The following LARGE1 variants were observed in gnomAD, a reference collection of about 807,000 sequenced individuals.
LARGE1 encodes the protein LARGE xylosyl- and glucuronyltransferase 1, also known as xylosyl- and glucuronyltransferase LARGE1.
A neutral mutation model predicts 87.6 loss-of-function variants in LARGE1; 43 were observed. The ratio of observed to expected loss-of-function variants is 0.49; its 90% confidence interval spans 0.38 to 0.63. The LOEUF (loss-of-function observed/expected upper bound fraction) is 0.63. Ranked by LOEUF, LARGE1 falls within the 30% of genes least tolerant of loss-of-function variation. The pLI is 0.00. For synonymous variants in LARGE1, 434 were observed against 394.6 expected, an observed-to-expected ratio of 1.10 and a Z score of -1.18; for missense variants, 802 against 1,000.2, an observed-to-expected ratio of 0.80 and a Z score of 2.67.
At chr22:33,800,274 A>C (rs2086119141) in intron 1 of LARGE1, among the ~76,000 whole-genome samples, 1 of 152,212 alleles carries the variant, frequency 6.6e-6, no homozygotes, top group Non-Finnish European at 1.5e-5. Flanking sequence ...TAGTACAGAG[A>C]GGTCCTGTGT....
chr22:33,787,546 G>A (rs113310902), intron 1 of LARGE1, among the ~76,000 whole-genome samples: 1 of 152,146 alleles, frequency 6.6e-6, no homozygotes, highest in South Asian at 2.1e-4. Context: ...CAACTCCAAA[G>A]TCTTCTTCCA....
At position 33,836,965 on chromosome 22, in the gene LARGE1, G is replaced by A. The variant is rs1039276362; in HGVS notation, c.-82-75407C>T. Among the ~76,000 whole-genome samples, 50 of 152,034 alleles carry A rather than the reference G, an allele frequency of 3.3e-4. 1 individual carries two copies. The highest frequency in any genetic ancestry group is 3.9e-4 in the East Asian group (2 of 5,190). ...CTGAGAACGAAAAGGGAGATGGGTC[G>A]TGCATGAATCCCAGAATAGTAACTG... On this transcript the variant is annotated intron_variant, in intron 1 of 14. Transcript: ENST00000397394.
intron 9 of LARGE1, among the ~76,000 whole-genome samples, chr22:33,376,437 T>G (rs1428182533): frequency 6.6e-6 from 1 of 152,200 alleles, no homozygotes; most frequent in Non-Finnish European, 1.5e-5. Context: ...TTTTAAGAAA[T>G]AAGTCTCGTG....
At chr22:33,219,375 A>AC (rs1925355586) in intron 11 of LARGE1, among the ~76,000 whole-genome samples, 2 of 152,224 alleles carry the variant, frequency 1.3e-5, no homozygotes, top group Non-Finnish European at 2.9e-5. Flanking sequence ...TAGACATGGG[A>AC]CCTCACTCCA....
intron 6 of LARGE1, among the ~76,000 whole-genome samples, chr22:33,499,379 C>T (rs2070321811): frequency 1.3e-5 from 2 of 152,182 alleles, no homozygotes; most frequent in Non-Finnish European, 1.5e-5. Context: ...TGGCAATTAT[C>T]CACTTATTTA....
intron 1 of LARGE1, among the ~76,000 whole-genome samples, chr22:33,909,667 T>G (rs866258148): frequency 1.3e-4 from 19 of 151,914 alleles, no homozygotes; most frequent in Middle Eastern, 3.4e-3. Flanking sequence ...GCCTCCCGAG[T>G]AGCTGGGACT....
chr22:33,494,899 C>T (rs1460517964), intron 6 of LARGE1, among the ~76,000 whole-genome samples: 1 of 152,188 alleles, frequency 6.6e-6, no homozygotes, highest in South Asian at 2.1e-4. Context: ...AGGCAACTCT[C>T]CTCAAGTCTC....
intron 11 of LARGE1, among the ~76,000 whole-genome samples, chr22:33,253,708 T>C (rs898371853): frequency 6.6e-6 from 1 of 152,152 alleles, no homozygotes; most frequent in African/African-American, 2.4e-5. Flanking sequence ...CGAGACTCCA[T>C]CGCAGGAAGA....
At chr22:33,375,339 C>T (rs906463730) in intron 9 of LARGE1, among the ~76,000 whole-genome samples, 1 of 152,054 alleles carries the variant, frequency 6.6e-6, no homozygotes, top group Non-Finnish European at 1.5e-5. Context: ...TTATTTTTTA[C>T]GGTAATATGG....
At position 33,491,680 on chromosome 22, in the gene LARGE1, C is replaced by T. The variant is rs956169907; in HGVS notation, c.788-59415G>A. ...TAAACCACTTAATCTGAAATTGGAA[C>T]TTAATCATAAGTCGATCTTACAGCC... On this transcript the variant is annotated intron_variant, in intron 6 of 14. Transcript: ENST00000397394. Among the ~76,000 whole-genome samples the T allele has an allele frequency of 5.3e-5, 8 of 152,350 alleles. No homozygotes were observed. The East Asian group carries it at 1.5e-3, about 29-fold the overall frequency.
chr22:33,800,725 T>C (rs1302342750), intron 1 of LARGE1, among the ~76,000 whole-genome samples: 1 of 152,172 alleles, frequency 6.6e-6, no homozygotes, highest in Non-Finnish European at 1.5e-5. Flanking sequence ...ACGCATCAAG[T>C]TCATTCCTTT....
At chr22:33,084,220 C>G in the LARGE1 span, among the ~76,000 whole-genome samples, 2 of 152,212 alleles carry the variant, frequency 1.3e-5, no homozygotes, top group Non-Finnish European at 2.9e-5. Context: ...GTTAGGTACA[C>G]TCTCTGATAC....
At chr22:33,447,225 C>T (rs895895692) in intron 6 of LARGE1, among the ~76,000 whole-genome samples, 10 of 152,188 alleles carry the variant, frequency 6.6e-5, no homozygotes, top group African/African-American at 2.4e-4. Flanking sequence ...AACATCCTTG[C>T]CACTATGTGG....
chr22:33,515,383 A>T (rs2071255729), intron 6 of LARGE1, among the ~76,000 whole-genome samples: 1 of 152,190 alleles, frequency 6.6e-6, no homozygotes, highest in Non-Finnish European at 1.5e-5. Context: ...TCATCCCTGC[A>T]GACATCACAT....
chr22:33,488,657 C>G (rs997782934), intron 6 of LARGE1, among the ~76,000 whole-genome samples: 2 of 152,116 alleles, frequency 1.3e-5, no homozygotes, highest in Non-Finnish European at 2.9e-5. Context: ...AGAATCCATT[C>G]CCTTAAGCCA....
intron 1 of LARGE1, among the ~76,000 whole-genome samples, chr22:33,782,811 G>A (rs2145908797): frequency 6.6e-6 from 1 of 150,476 alleles, no homozygotes; most frequent in Non-Finnish European, 1.5e-5. Context: ...GTTGCAGTGA[G>A]CCAACATCAC....
chr22:33,381,475 A>G (rs2065155346), intron 9 of LARGE1, among the ~76,000 whole-genome samples: 1 of 152,166 alleles, frequency 6.6e-6, no homozygotes, highest in East Asian at 1.9e-4. Flanking sequence ...CACCTGTCAT[A>G]GCACTTTGTC....
chr22:33,473,169 T>C (rs574965011), intron 6 of LARGE1, among the ~76,000 whole-genome samples: 2 of 144,252 alleles, frequency 1.4e-5, no homozygotes, highest in East Asian at 2.0e-4. Context: ...CATATCTCTC[T>C]TTTTTTTTTT....
intron 11 of LARGE1, among the ~76,000 whole-genome samples, chr22:33,199,156 A>T (rs1397666915): frequency 6.6e-6 from 1 of 151,608 alleles, no homozygotes; most frequent in Non-Finnish European, 1.5e-5. Context: ...CTTCTTTTTA[A>T]AAATATCTCT....
Sources: allele counts gnomAD v4.1 joint callset (sites outside exome capture counted in the v4.1 genomes callset), GRCh38; gene constraint gnomAD v4.1.1; transcripts MANE v1.5; gene names NCBI Gene and HGNC (gene_info 2026-07-23, HGNC 2026-07-21).